The following FSTL4 variants were observed in gnomAD, a reference collection of about 807,000 sequenced individuals.
FSTL4 encodes follistatin-related protein 4.
FSTL4 carries 28 observed loss-of-function variants against 78.2 expected under a neutral mutation model. The observed-to-expected ratio is 0.36, with a 90% CI of 0.27 to 0.49. The LOEUF is 0.49. Ranked by LOEUF, FSTL4 falls within the 20% of genes least tolerant of loss-of-function variation. The pLI, the probability that FSTL4 is intolerant of heterozygous loss-of-function variation, is 0.98. For missense variants in FSTL4, 922 were observed against 1,084.9 expected (o/e 0.85, Z 2.11); for synonymous variants, 422 against 440.5 (o/e 0.96, Z 0.53).
chr5:133,654,665 C>T, the FSTL4 span, among the ~76,000 whole-genome samples: 1 of 152,272 alleles, frequency 6.6e-6, no homozygotes, highest in Non-Finnish European at 1.5e-5. Context: ...CTTGTCCTAG[C>T]TTGGCCTTCA....
intron 7 of FSTL4, among the ~76,000 whole-genome samples, chr5:133,249,119 G>A (rs1213803168): frequency 6.6e-6 from 1 of 152,168 alleles, no homozygotes; most frequent in Non-Finnish European, 1.5e-5. Context: ...CTGTTCTCAG[G>A]GTCACCTCCA....
At chr5:133,637,021 T>C in the FSTL4 span, among the ~76,000 whole-genome samples, 12 of 152,210 alleles carry the variant, frequency 7.9e-5, 1 homozygote, top group East Asian at 2.3e-3. Context: ...GAAGCATAAG[T>C]AGAGGGATAG....
the FSTL4 span, among the ~76,000 whole-genome samples, chr5:133,735,916 C>T: frequency 6.6e-6 from 1 of 152,206 alleles, no homozygotes; most frequent in South Asian, 2.1e-4. Context: ...CACTTCTCCA[C>T]TACCCATTTT....
intron 4 of FSTL4, among the ~76,000 whole-genome samples, chr5:133,328,839 A>T (rs1754275355): frequency 6.6e-6 from 1 of 152,172 alleles, no homozygotes; most frequent in African/African-American, 2.4e-5. Flanking sequence ...TTTTGTTTCC[A>T]AGACTTCCTT....
At chr5:133,355,553 G>A (rs1319568769) in intron 4 of FSTL4, among the ~76,000 whole-genome samples, 1 of 152,176 alleles carries the variant, frequency 6.6e-6, no homozygotes, top group Non-Finnish European at 1.5e-5. Flanking sequence ...CTACTCAGGA[G>A]GCTGAGGCAG....
At chr5:133,750,614 C>T in the FSTL4 span, among the ~76,000 whole-genome samples, 30 of 152,250 alleles carry the variant, frequency 2.0e-4, no homozygotes, top group Non-Finnish European at 2.4e-4. Flanking sequence ...AAACAAGTCC[C>T]TAGAGTGGGT....
At chr5:133,591,663 G>A (rs1265312649) in intron 2 of FSTL4, among the ~76,000 whole-genome samples, 1 of 152,104 alleles carries the variant, frequency 6.6e-6, no homozygotes, top group African/African-American at 2.4e-5. Flanking sequence ...TTGAGAACCT[G>A]AGGATACAGA....
intron 15 of FSTL4, among the ~76,000 whole-genome samples, chr5:133,201,412 G>A (rs1252567539): frequency 6.6e-6 from 1 of 152,190 alleles, no homozygotes; most frequent in African/African-American, 2.4e-5. Flanking sequence ...TGCTCTGGGG[G>A]TTCCTAAAGT....
chr5:133,665,424 T>C, the FSTL4 span, among the ~76,000 whole-genome samples: 1 of 152,170 alleles, frequency 6.6e-6, no homozygotes, highest in Non-Finnish European at 1.5e-5. Flanking sequence ...TTAACACCCA[T>C]TGCTTTTCCT....
At chr5:133,311,868 T>C (rs900605701) in intron 6 of FSTL4, among the ~76,000 whole-genome samples, 1 of 152,206 alleles carries the variant, frequency 6.6e-6, no homozygotes, top group Non-Finnish European at 1.5e-5. Flanking sequence ...GCTTCATCTC[T>C]TTTGGGCCAA....
chr5:133,524,390 G>A (rs1380015895), intron 3 of FSTL4, among the ~76,000 whole-genome samples: 1 of 152,194 alleles, frequency 6.6e-6, no homozygotes, highest in Non-Finnish European at 1.5e-5. Context: ...TGTGATGACT[G>A]AAGAGTGAAG....
At chr5:133,635,633 C>T in the FSTL4 span, among the ~76,000 whole-genome samples, 2 of 152,158 alleles carry the variant, frequency 1.3e-5, no homozygotes, top group African/African-American at 4.8e-5. Context: ...CGTGGTGGCA[C>T]ATGCCTGTAA....
intron 11 of FSTL4, among the ~76,000 whole-genome samples, chr5:133,221,232 G>T (rs933539427): frequency 6.6e-6 from 1 of 152,182 alleles, no homozygotes; most frequent in Non-Finnish European, 1.5e-5. Context: ...CATCAGGATG[G>T]ATCAGTGGAT....
chr5:133,676,869 G>T, the FSTL4 span, among the ~76,000 whole-genome samples: 1 of 152,126 alleles, frequency 6.6e-6, no homozygotes, highest in Non-Finnish European at 1.5e-5. Flanking sequence ...GTATTCTGTT[G>T]AGTCTTTTGA....
intron 11 of FSTL4, among the ~76,000 whole-genome samples, chr5:133,222,873 C>T (rs117782626): frequency 6.6e-6 from 1 of 152,208 alleles, no homozygotes; most frequent in Non-Finnish European, 1.5e-5. Flanking sequence ...CATTTTGGCT[C>T]CTTATCCCTA....
At chr5:133,304,474 A>T (rs905852032) in intron 6 of FSTL4, among the ~76,000 whole-genome samples, 1 of 152,150 alleles carries the variant, frequency 6.6e-6, no homozygotes, top group African/African-American at 2.4e-5. Context: ...AGGAGGGTTT[A>T]AAAAAATCAC....
chr5:133,416,613 T>C (rs1480697362), intron 3 of FSTL4, among the ~76,000 whole-genome samples: 1 of 152,222 alleles, frequency 6.6e-6, no homozygotes, highest in Admixed American at 6.5e-5. Context: ...ACTCAAGTGA[T>C]CAAAATTAAC....
the FSTL4 span, among the ~76,000 whole-genome samples, chr5:133,623,172 A>G: frequency 5.1e-4 from 77 of 152,154 alleles, no homozygotes; most frequent in African/African-American, 1.6e-3. Flanking sequence ...CCAAAAATCA[A>G]CTGGGTAGAA....
the FSTL4 span, among the ~76,000 whole-genome samples, chr5:133,765,192 T>G: frequency 2.0e-5 from 3 of 152,338 alleles, no homozygotes; most frequent in East Asian, 5.8e-4. Context: ...TTCTGTAGAA[T>G]GGGTAACTAT....
Sources: gnomAD v4.1 joint callset for allele counts (sites outside exome capture counted in the v4.1 genomes callset) on GRCh38, gnomAD v4.1.1 for gene constraint, MANE v1.5 for transcripts, NCBI Gene and HGNC (gene_info 2026-07-23, HGNC 2026-07-21) for gene names.